The following KIR2DL3 variants were observed in gnomAD, a reference collection of about 807,000 sequenced individuals.
KIR2DL3 encodes the protein killer cell immunoglobulin-like receptor 2DL3.
In KIR2DL3, 39 loss-of-function variants were observed where a neutral mutation model predicts 33.8. That is an observed-to-expected ratio of 1.15 (90% CI 0.89 to 1.51). The LOEUF is 1.51. KIR2DL3 is among the 40% of genes most tolerant of loss of function. The pLI is 0.00. For synonymous variants in KIR2DL3, 174 were observed against 160.2 expected (o/e 1.09, Z -0.65); for missense variants, 462 against 426.2 (o/e 1.08, Z -0.74).
At position 54,748,230 on chromosome 19, in the gene KIR2DL3, A is replaced by G. The variant is rs1555913417; in HGVS notation, c.715+845A>G. Among the ~76,000 whole-genome samples the G allele has an allele frequency of 3.3e-5, 5 of 151,972 alleles. No individual in the cohort carries two copies. In the East Asian group the frequency reaches 7.7e-4, roughly 23 times the overall value. On this transcript the variant is annotated intron_variant, in intron 5 of 7. Coordinates refer to ENST00000342376, the MANE Select transcript of KIR2DL3 (RefSeq NM_015868.3). ...TTCCTTACCACACCTCTTTCTCTGA[A>G]TGCTGCTCTCCCTTCTTCCTTATCT...
chr19:54,745,083 G>T (rs367944837), intron 4 of KIR2DL3, among the ~76,000 whole-genome samples: 3 of 148,614 alleles, frequency 2.0e-5, no homozygotes, highest in South Asian at 4.3e-4. Flanking sequence ...GGGAATCTTT[G>T]TAATGACTTC....
At chr19:54,746,669 T>C (rs2072535888) in intron 4 of KIR2DL3, among the ~76,000 whole-genome samples, 1 of 149,894 alleles carries the variant, frequency 6.7e-6, no homozygotes, top group African/African-American at 2.4e-5. Flanking sequence ...TGATTGTGAG[T>C]TCTTGGCACC....
intron 2 of KIR2DL3, among the ~76,000 whole-genome samples, chr19:54,740,587 A>C (rs2070859797): frequency 2.0e-5 from 3 of 150,764 alleles, no homozygotes; most frequent in African/African-American, 7.3e-5. Flanking sequence ...TCCTTGTCCC[A>C]CCTCCTGAAT....
rs2072684267 is a variant in KIR2DL3, at chr19:54,747,331, C to G, written c.665-4C>G. ...CCTCACCTCTCTCCTGTCTCGTGTT[C>G]TAGGAAACCCTTCAAATAGTTGGCC... On this transcript the variant is annotated splice_region_variant and splice_polypyrimidine_tract_variant and intron_variant, in intron 4 of 7. Coordinates refer to ENST00000342376, the MANE Select transcript of KIR2DL3 (RefSeq NM_015868.3). 6.2e-7 allele frequency: 1 copy of G among 1,611,158 alleles called. No individual in the cohort carries two copies. The highest frequency in any genetic ancestry group is 1.3e-5 in the African/African-American group (1 of 74,622).
At chr19:54,741,333 C>T (rs1279785724) in intron 2 of KIR2DL3, among the ~76,000 whole-genome samples, 4 of 150,970 alleles carry the variant, frequency 2.6e-5, no homozygotes, top group Admixed American at 2.0e-4. Flanking sequence ...GAGTGAGACT[C>T]TGTCTCCATA....
In KIR2DL3 at chr19:54,743,915, G is replaced by T; in HGVS notation, c.491G>T (p.Gly164Val). 6.2e-7 allele frequency: 1 copy of T among 1,614,148 alleles called. No individual in the cohort carries two copies. The stretch of plus-strand genomic sequence containing the variant: ...GACATGTACCATCTATCCAGGGAGG[G>T]GGAGGCCCATGAACGTAGGTTCTCT... ...SYDMYHLSRE[G>V]EAHERRFSAG... Residue 164 changes from glycine (G) to valine (V), a missense_variant, in exon 4 of 8, where the codon GGG (glycine) becomes GTG (valine). Gly to Val is a moderately radical substitution (Grantham distance 109, BLOSUM62 -3). Coordinates refer to ENST00000342376, the MANE Select transcript of KIR2DL3 (RefSeq NM_015868.3).
At chr19:54,741,055 C>T (rs891135095) in intron 2 of KIR2DL3, among the ~76,000 whole-genome samples, 7 of 151,672 alleles carry the variant, frequency 4.6e-5, no homozygotes, top group Non-Finnish European at 1.5e-5. Context: ...AAAATAGGGT[C>T]CAATTTCTGT....
chr19:54,745,142 G>C (rs2072250847), intron 4 of KIR2DL3, among the ~76,000 whole-genome samples: 3 of 151,352 alleles, frequency 2.0e-5, no homozygotes, highest in South Asian at 4.2e-4. Flanking sequence ...TCTTTCTATG[G>C]ATGAGTAGTC....
chr19:54,748,420 T>A (rs1284887212), intron 5 of KIR2DL3, among the ~76,000 whole-genome samples: 1 of 140,328 alleles, frequency 7.1e-6, no homozygotes, highest in Non-Finnish European at 1.6e-5. Context: ...ATTCACAAGC[T>A]ATGGAGGCTA....
intron 4 of KIR2DL3, among the ~76,000 whole-genome samples, chr19:54,744,875 T>G (rs609052): frequency 1.4e-5 from 1 of 72,998 alleles, no homozygotes. Context: ...TACATTTATA[T>G]ATATATATAT....
In KIR2DL3 at chr19:54,742,040, C is replaced by T. The variant is rs1443929104; in HGVS notation, c.131C>T (p.Thr44Ile). Residue 44 changes from threonine to isoleucine, a missense_variant, in exon 3 of 8, where the codon ACA becomes ATA. By Grantham distance (89) the Thr-to-Ile change is moderately conservative (BLOSUM62 -1). Coordinates refer to ENST00000342376, the MANE Select transcript of KIR2DL3 (RefSeq NM_015868.3). ...GGTCCCCTGGTGAAATCAGAAGAGA[C>T]AGTCATCCTGCAATGTTGGTCAGAT... ...HPGPLVKSEE[T>I]VILQCWSDVR... The T allele has an allele frequency of 1.9e-6, 3 of 1,612,742 alleles. No homozygotes were observed. The highest frequency in any genetic ancestry group is 2.2e-5 in the East Asian group (1 of 44,886).
At position 54,752,614 on chromosome 19, in the gene KIR2DL3, T is replaced by G. The variant is rs569160637; in HGVS notation, c.*95T>G. 5.0e-6 allele frequency: 7 copies of G among 1,388,844 alleles called. No individual in the cohort carries two copies. In the African/African-American group the frequency reaches 8.0e-5, roughly 16 times the overall value. The allele number at this position is 1,388,844 out of a possible 1,614,324, so 86.0% of individuals were successfully genotyped here. A position where few individuals can be genotyped will look rare whatever the true frequency, so the allele number is the denominator to read the frequency against. On this transcript the variant is annotated 3_prime_UTR_variant, in exon 8 of 8. Transcript: ENST00000342376. Reference sequence around the variant, plus strand: ...CCTGTCTCAAAACTGGGTTGCCAGCTCCAATGTACCAGCAGCTGGAATCTG... The same window carrying G: ...CCTGTCTCAAAACTGGGTTGCCAGCGCCAATGTACCAGCAGCTGGAATCTG...
chr19:54,746,044 C>A (rs1157256178), intron 4 of KIR2DL3, among the ~76,000 whole-genome samples: 2 of 131,576 alleles, frequency 1.5e-5, no homozygotes, highest in East Asian at 2.0e-4. Context: ...AACTCCCGAC[C>A]TTATGAGGTT....
At position 54,752,238 on chromosome 19, in the gene KIR2DL3, G is replaced by C; in HGVS notation, c.843G>C (p.Glu281Asp). The change falls in exon 7 of 8, where the codon GAG becomes GAC. Residue 281 changes from glutamate (E) to aspartate (D), a missense_variant. Physicochemically the swap from Glu to Asp is conservative, Grantham distance 45. Coordinates refer to ENST00000342376, the MANE Select transcript of KIR2DL3 (RefSeq NM_015868.3). ...NKKNAVVMDQ[E>D]PAGNRTVNRE... is the part of the protein sequence containing the mutation. ...CAGATGCTGTTGTAATGGACCAAGA[G>C]CCTGCAGGGAACAGAACAGTGAACA... The C allele has an allele frequency of 1.4e-6, 2 of 1,474,914 alleles. No individual in the cohort carries two copies. The highest frequency in any genetic ancestry group is 1.8e-6 in the Non-Finnish European group (2 of 1,082,292). The allele number at this position is 1,474,914 out of a possible 1,614,324, so 91.4% of individuals were successfully genotyped here.
At chr19:54,741,900 G>A (rs2071196364) in intron 2 of KIR2DL3, 80 bp from the exon 3 acceptor site, 2 of 1,361,960 alleles carry the variant, frequency 1.5e-6, no homozygotes, top group East Asian at 2.3e-5. Context: ...CACCAGCAAG[G>A]GGAAGCCTCA....
intron 6 of KIR2DL3, among the ~76,000 whole-genome samples, 166 bp downstream of exon 6, chr19:54,751,919 C>T (rs147999474): frequency 0.015 from 2,015 of 133,594 alleles, 407 homozygotes; most frequent in African/African-American, 0.054. Context: ...TCCCTGCCTT[C>T]AGCTCACAGA....
chr19:54,746,745 G>A (rs370373329), intron 4 of KIR2DL3, among the ~76,000 whole-genome samples: 2 of 150,302 alleles, frequency 1.3e-5, no homozygotes, highest in Non-Finnish European at 3.0e-5. Context: ...CACTTTGGGA[G>A]CCCAAGGCGG....
chr19:54,740,268 A>G (rs576402721), intron 2 of KIR2DL3, among the ~76,000 whole-genome samples: 10 of 151,974 alleles, frequency 6.6e-5, no homozygotes, highest in African/African-American at 1.9e-4. Flanking sequence ...CTTCTCCCCA[A>G]GGTGGTCAGG....
intron 5 of KIR2DL3, among the ~76,000 whole-genome samples, chr19:54,749,393 G>GAC (rs1330466216): frequency 7.4e-6 from 1 of 134,238 alleles, no homozygotes; most frequent in African/African-American, 2.7e-5. Flanking sequence ...TGCTGATTTA[G>GAC]ACACTAAATG....
Sources: allele counts gnomAD v4.1 joint callset (sites outside exome capture counted in the v4.1 genomes callset), GRCh38; gene constraint gnomAD v4.1.1; transcripts MANE v1.5; gene names NCBI Gene and HGNC (gene_info 2026-07-23, HGNC 2026-07-21).